XPR1: variants seen among roughly 807,000 people sequenced by gnomAD.
The protein encoded by XPR1 is solute carrier family 53 member 1.
Under a neutral mutation model 87.5 loss-of-function variants are expected in XPR1, and 28 were observed. The ratio of observed to expected loss-of-function variants is 0.32; its 90% CI spans 0.24 to 0.44. The LOEUF is 0.44. XPR1 is among the 20% of genes least tolerant of loss of function. The probability of loss-of-function intolerance (pLI) is 1.00; values close to 1 mark genes in which losing one functional copy is unlikely to be tolerated. For synonymous variants in XPR1, 300 were observed against 306.1 expected, an observed-to-expected ratio of 0.98 and a Z score of 0.21; for missense variants, 559 against 862.3, an observed-to-expected ratio of 0.65 and a Z score of 4.41.
intron 2 of XPR1, among the ~76,000 whole-genome samples, chr1:180,782,230 T>G (rs1404258431): frequency 6.6e-6 from 1 of 152,056 alleles, no homozygotes; most frequent in Non-Finnish European, 1.5e-5. Context: ...TTGTACTTAT[T>G]TATGCTTGCT....
intron 7 of XPR1, among the ~76,000 whole-genome samples, chr1:180,824,525 G>A (rs1003587799): frequency 6.6e-6 from 1 of 152,096 alleles, no homozygotes; most frequent in African/African-American, 2.4e-5. Context: ...AGGTTGCAGT[G>A]AGCCGAGATC....
intron 11 of XPR1, among the ~76,000 whole-genome samples, chr1:180,852,328 A>G (rs1571895023): frequency 6.6e-6 from 1 of 152,190 alleles, no homozygotes. Flanking sequence ...CTTTACAAAC[A>G]TAGTATAATA....
At chr1:180,850,187 G>A (rs765584630) in intron 11 of XPR1, among the ~76,000 whole-genome samples, 1 of 152,048 alleles carries the variant, frequency 6.6e-6, no homozygotes, top group African/African-American at 2.4e-5. Context: ...TGAAATGAAG[G>A]TTTATATAAA....
intron 11 of XPR1, among the ~76,000 whole-genome samples, chr1:180,846,361 G>A (rs1385949402): frequency 6.6e-6 from 1 of 152,072 alleles, no homozygotes; most frequent in Non-Finnish European, 1.5e-5. Context: ...AATGTTGTGA[G>A]CATGCTTTTT....
At chr1:180,793,142 C>T (rs1412942524) in intron 3 of XPR1, among the ~76,000 whole-genome samples, 1 of 151,962 alleles carries the variant, frequency 6.6e-6, no homozygotes, top group East Asian at 1.9e-4. Flanking sequence ...AAGGTAATTG[C>T]ATTGGTGTTT....
At chr1:180,769,385 G>A (rs957633167) in intron 2 of XPR1, among the ~76,000 whole-genome samples, 1 of 111,118 alleles carries the variant, frequency 9.0e-6, no homozygotes, top group Non-Finnish European at 1.8e-5. Context: ...TTTTTTTTTT[G>A]TATCAGTTAA....
At chr1:180,677,217 C>G (rs1656396632) in intron 1 of XPR1, among the ~76,000 whole-genome samples, 2 of 152,208 alleles carry the variant, frequency 1.3e-5, no homozygotes, top group African/African-American at 2.4e-5. Flanking sequence ...ACTGGTTCTC[C>G]TTGCTCACTG....
chr1:180,859,231 C>T (rs1300570176), intron 11 of XPR1, among the ~76,000 whole-genome samples: 1 of 151,734 alleles, frequency 6.6e-6, no homozygotes, highest in Non-Finnish European at 1.5e-5. Context: ...TATTTTAGTC[C>T]TTTTCCTTTT....
At chr1:180,754,322 A>G (rs1174473015) in intron 2 of XPR1, among the ~76,000 whole-genome samples, 2 of 152,130 alleles carry the variant, frequency 1.3e-5, no homozygotes, top group Non-Finnish European at 2.9e-5. Context: ...CTCTAGTTTT[A>G]TATACATGTG....
rs1650875824 is a variant in XPR1, at chr1:180,827,124, A to G, written c.1134+1780A>G. On this transcript the variant is annotated intron_variant, in intron 9 of 14. Transcript: ENST00000367590. Reference sequence around the variant, plus strand: ...AGCCAAGATGGTGCTGCTGCACTCCAGCCTGGACGACAGAGTGAGACTCCT... The same window carrying G: ...AGCCAAGATGGTGCTGCTGCACTCCGGCCTGGACGACAGAGTGAGACTCCT... Among the ~76,000 whole-genome samples, 3 of 141,728 alleles carry G rather than the reference A, an allele frequency of 2.1e-5. No homozygotes were observed. The Admixed American group carries it at 2.2e-4, about 11-fold the overall frequency. The allele number at this position is 141,728 out of a possible 152,430, so 93.0% of individuals were successfully genotyped here.
chr1:180,835,193 A>G, intron 10 of XPR1, 148 bp downstream of exon 10: 1 of 889,982 alleles, frequency 1.1e-6, no homozygotes, highest in African/African-American at 1.7e-5. Flanking sequence ...TTCTGTTAGC[A>G]GTCTCCTTAT....
intron 2 of XPR1, among the ~76,000 whole-genome samples, chr1:180,727,980 C>G (rs973388395): frequency 6.6e-6 from 1 of 152,138 alleles, no homozygotes; most frequent in African/African-American, 2.4e-5. Context: ...ATGCCAGTAT[C>G]TTGTGTCAAC....
At chr1:180,723,652 C>T (rs1460532206) in intron 2 of XPR1, among the ~76,000 whole-genome samples, 3 of 152,170 alleles carry the variant, frequency 2.0e-5, no homozygotes, top group Non-Finnish European at 4.4e-5. Flanking sequence ...TCTTCCTTTT[C>T]TCTTCCCTTA....
At chr1:180,670,290 A>AT (rs891275862) in intron 1 of XPR1, among the ~76,000 whole-genome samples, 30 of 152,098 alleles carry the variant, frequency 2.0e-4, no homozygotes, top group African/African-American at 7.0e-4. Context: ...TTCTTTATAG[A>AT]TTTTTTTGGC....
In XPR1 at chr1:180,703,162, CCAGTGGTGGTGG is replaced by C. The variant is rs1162549315; in HGVS notation, c.121+20758_121+20769del. On this transcript the variant is annotated intron_variant, in intron 2 of 14. Coordinates refer to ENST00000367590, the MANE Select transcript of XPR1 (RefSeq NM_004736.4). ...CACTAGACCAGCTAGTCCTTGGGCA[CCAGTGGTGGTGG>C]CAGTGGGCAAGGTGGGCAAGGTGGA... is the stretch of plus-strand genomic sequence containing the variant. 3.9e-5 allele frequency among the ~76,000 whole-genome samples: 6 copies of C among 152,184 alleles called. No homozygotes were observed. The East Asian group carries it at 1.2e-3, about 29-fold the overall frequency.
intron 1 of XPR1, among the ~76,000 whole-genome samples, chr1:180,643,230 A>T (rs1424636068): frequency 6.6e-6 from 1 of 152,212 alleles, no homozygotes; most frequent in East Asian, 1.9e-4. Context: ...CAAACAGCAT[A>T]GCCAAGGATA....
intron 2 of XPR1, among the ~76,000 whole-genome samples, chr1:180,710,635 A>G (rs890892797): frequency 6.6e-6 from 1 of 152,188 alleles, no homozygotes; most frequent in African/African-American, 2.4e-5. Context: ...TGATTTCTCT[A>G]TCTTTTCCCC....
chr1:180,702,937 A>G (rs1571742615), intron 2 of XPR1, among the ~76,000 whole-genome samples: 2 of 152,056 alleles, frequency 1.3e-5, no homozygotes, highest in African/African-American at 2.4e-5. Context: ...TGACTTTCTT[A>G]GAGAAAGACT....
At chr1:180,829,370 G>A (rs980510251) in intron 9 of XPR1, among the ~76,000 whole-genome samples, 2 of 152,136 alleles carry the variant, frequency 1.3e-5, no homozygotes, top group Non-Finnish European at 2.9e-5. Context: ...TAGAAGTGGA[G>A]AAGTTGAAAG....
Sources: allele counts gnomAD v4.1 joint callset (sites outside exome capture counted in the v4.1 genomes callset), GRCh38; gene constraint gnomAD v4.1.1; transcripts MANE v1.5; gene names NCBI Gene and HGNC (gene_info 2026-07-23, HGNC 2026-07-21).